GYG2: variants seen among roughly 807,000 people sequenced by gnomAD.
The protein encoded by GYG2 is glycogenin 2.
GYG2 carries 29 observed loss-of-function variants against 29.4 expected under a neutral mutation model. The observed-to-expected ratio is 0.99, with a 90% CI of 0.74 to 1.35. GYG2 has a LOEUF of 1.35. Ranked by LOEUF, GYG2 falls within the 40% of genes most tolerant of loss-of-function variation. GYG2 has a pLI of 0.00. For synonymous variants in GYG2, 167 were observed against 172.3 expected (o/e 0.97, Z 0.24); for missense variants, 370 against 385.7 (o/e 0.96, Z 0.34).
Position 2,854,088 on chromosome X carries a change from C to T in GYG2, c.258C>T (p.Leu86=), listed in dbSNP as rs773513461. The T allele has an allele frequency of 3.7e-5, 45 of 1,204,133 alleles. No homozygotes were observed. Among genetic ancestry groups the T allele is most frequent in the Non-Finnish European group, 4.9e-5 (44 of 890,560 alleles). Residue 86 remains leucine, a synonymous_variant, in exon 4 of 11, where the codon CTC becomes CTT. Transcript: ENST00000398806. ...FLKRPELGLT[L]TKLHCWTLTH... ...AGAGACCTGAGCTCGGGCTCACCCT[C>T]ACCAAGCTTCACTGTTGGACTCTCA...
chrX:2,846,324 CCCAAAGTG>C (rs1442127513), intron 3 of GYG2, among the ~76,000 whole-genome samples: 1 of 107,211 alleles, frequency 9.3e-6, no homozygotes, highest in Non-Finnish European at 1.9e-5. Context: ...GCCTCCGCCT[CCCAAAGTG>C]CCAAAGTGCT....
intron 3 of GYG2, among the ~76,000 whole-genome samples, chrX:2,845,821 A>G (rs1412782845): frequency 9.7e-6 from 1 of 102,577 alleles, no homozygotes; most frequent in Non-Finnish European, 2.0e-5. Flanking sequence ...GTTCAAATGT[A>G]TATGTATATA....
rs1270273785 is a variant in GYG2 at position 2,844,495 on chromosome X, CGTGT to C, written c.149+1143_149+1146del. Among the ~76,000 whole-genome samples the C allele has an allele frequency of 2.7e-3, 290 of 106,856 alleles. 5 individuals carry two copies. Among genetic ancestry groups the C allele is most frequent in the African/African-American group, 9.4e-3 (273 of 29,051 alleles). The allele number at this position is 106,856 out of a possible 115,157, so 92.8% of individuals were successfully genotyped here. A position where few individuals can be genotyped will look rare whatever the true frequency, so the allele number is the denominator to read the frequency against. On this transcript the variant is annotated intron_variant, in intron 3 of 10. Coordinates refer to ENST00000398806, the MANE Select transcript of GYG2 (RefSeq NM_001079855.2). ...ATGCATATATATGTGTATATGCACG[CGTGT>C]GCGTATATATGTGTATACGCACACG...
At chrX:2,849,841 A>G (rs1422090739) in intron 3 of GYG2, among the ~76,000 whole-genome samples, 1 of 112,252 alleles carries the variant, frequency 8.9e-6, no homozygotes, top group Non-Finnish European at 1.9e-5. Flanking sequence ...GTAGCCAAGC[A>G]CAGTGGCTCA....
chrX:2,867,994 G>A (rs771485856), intron 8 of GYG2, among the ~76,000 whole-genome samples: 1 of 110,091 alleles, frequency 9.1e-6, no homozygotes, highest in Non-Finnish European at 1.9e-5. Context: ...TACTCGGGAG[G>A]CCGAAGCAGG....
At chrX:2,868,378 A>T (rs1490557083) in intron 8 of GYG2, among the ~76,000 whole-genome samples, 1 of 99,380 alleles carries the variant, frequency 1.0e-5, no homozygotes, top group Non-Finnish European at 2.0e-5. Flanking sequence ...AATCGCTTGA[A>T]CCCGGGAGGT....
chrX:2,844,858 A>C (rs1237202153), intron 3 of GYG2, among the ~76,000 whole-genome samples: 38 of 107,646 alleles, frequency 3.5e-4, no homozygotes, highest in Non-Finnish European at 6.8e-4. Flanking sequence ...ATATATTTAT[A>C]TGTACAGGTA....
intron 2 of GYG2, among the ~76,000 whole-genome samples, chrX:2,833,331 C>T (rs2087306818): frequency 9.0e-6 from 1 of 110,577 alleles, no homozygotes; most frequent in African/African-American, 3.3e-5. Context: ...CCATAATCAC[C>T]TCTTTAAAGA....
chrX:2,853,874 G>T, intron 3 of GYG2, 106 bp from the exon 4 acceptor site: 3 of 542,440 alleles, frequency 5.5e-6, no homozygotes, highest in Non-Finnish European at 9.5e-6. Flanking sequence ...GATTCTCTTT[G>T]CATTCCACGT....
At chrX:2,863,810 G>A (rs915140364) in intron 8 of GYG2, among the ~76,000 whole-genome samples, 1 of 111,886 alleles carries the variant, frequency 8.9e-6, no homozygotes, top group Non-Finnish European at 1.9e-5. Context: ...TGCGAGTCAA[G>A]TCAAGAGCCT....
intron 3 of GYG2, among the ~76,000 whole-genome samples, chrX:2,844,928 A>G (rs150128787): frequency 0.029 from 3,020 of 105,631 alleles, 117 homozygotes; most frequent in African/African-American, 0.1. Flanking sequence ...CTGTATGTAT[A>G]TATGTTCAAC....
At chrX:2,852,351 G>A (rs1338996918) in intron 3 of GYG2, among the ~76,000 whole-genome samples, 2 of 111,734 alleles carry the variant, frequency 1.8e-5, no homozygotes, top group African/African-American at 6.5e-5. Context: ...TTCAGCTTTG[G>A]CAATTGGGTG....
At chrX:2,842,211 C>T (rs200010010) in intron 2 of GYG2, among the ~76,000 whole-genome samples, 1 of 47,046 alleles carries the variant, frequency 2.1e-5, no homozygotes, top group Admixed American at 2.3e-4. Context: ...TTCTTTTTTT[C>T]AGAGACAGGG....
At chrX:2,862,202 G>C (rs73632949) in intron 8 of GYG2, among the ~76,000 whole-genome samples, 1,593 of 111,054 alleles carry the variant, frequency 0.014, 35 homozygotes, top group African/African-American at 0.047. Flanking sequence ...AGGGAATATG[G>C]TGGCCTCCAG....
intron 3 of GYG2, among the ~76,000 whole-genome samples, chrX:2,846,160 G>C (rs1218617876): frequency 2.2e-5 from 2 of 92,673 alleles, no homozygotes; most frequent in Non-Finnish European, 4.2e-5. Context: ...TCCATCTCCT[G>C]GGTTCCAGTG....
intron 2 of GYG2, among the ~76,000 whole-genome samples, chrX:2,839,986 G>A (rs1456471691): frequency 8.9e-6 from 1 of 112,010 alleles, no homozygotes; most frequent in Non-Finnish European, 1.9e-5. Context: ...ACAACATTGC[G>A]CATGGACTAA....
At chrX:2,830,864 T>A (rs374172529) in intron 2 of GYG2, among the ~76,000 whole-genome samples, 39 of 112,481 alleles carry the variant, frequency 3.5e-4, no homozygotes, top group African/African-American at 1.1e-3. Flanking sequence ...CAGGCTGCAG[T>A]GAGCTATGAG....
chrX:2,839,719 T>C (rs1175165828), intron 2 of GYG2, among the ~76,000 whole-genome samples: 1 of 111,812 alleles, frequency 8.9e-6, no homozygotes, highest in Non-Finnish European at 1.9e-5. Flanking sequence ...AACATTGTGA[T>C]GAATTGTGTT....
chrX:2,859,360 T>C (rs2088099948), intron 6 of GYG2, among the ~76,000 whole-genome samples: 1 of 111,041 alleles, frequency 9.0e-6, no homozygotes, highest in Non-Finnish European at 1.9e-5. Context: ...ATTGGTTATA[T>C]ATTGATTACT....
Sources: allele counts gnomAD v4.1 joint callset (sites outside exome capture counted in the v4.1 genomes callset), GRCh38; gene constraint gnomAD v4.1.1; transcripts MANE v1.5; gene names NCBI Gene and HGNC (gene_info 2026-07-23, HGNC 2026-07-21).